The following PCDHGA7 variants were observed in gnomAD, a reference collection of about 807,000 sequenced individuals.
PCDHGA7 encodes protocadherin gamma subfamily A, 7, also known as protocadherin gamma-A7.
Under a neutral mutation model 58.3 loss-of-function variants are expected in PCDHGA7, and 44 were observed. That is an observed-to-expected ratio of 0.75 (90% CI 0.59 to 0.97). The LOEUF (loss-of-function observed/expected upper bound fraction) is 0.97. Among genes scored for constraint, PCDHGA7 ranks in the 50% least tolerant of loss-of-function variants. The pLI is 0.00. For missense variants in PCDHGA7, 1,266 were observed against 1,188.7 expected (o/e 1.06, Z -0.96); for synonymous variants, 516 against 504.2 (o/e 1.02, Z -0.31).
chr5:141,491,747 G>C lies in PCDHGA7; in HGVS notation c.2425-3060G>C. 6.3e-7 allele frequency: 1 copy of C among 1,591,872 alleles called. No homozygotes were observed. The highest frequency in any genetic ancestry group is 8.5e-7 in the Non-Finnish European group (1 of 1,170,328). ...CGGGCGACCCCTGGGGGCGGCACTG[G>C]AGAAGCCGCCCGTCCTCATAAGGGA... On this transcript the variant is annotated intron_variant, in intron 1 of 3. Transcript: ENST00000518325. This position sits in a 1 kb window ranked among gnomAD's most constrained non-coding sequence, Gnocchi z 6.9.
At chr5:141,446,767 G>A (rs891355909) in intron 1 of PCDHGA7, among the ~76,000 whole-genome samples, 12 of 152,118 alleles carry the variant, frequency 7.9e-5, no homozygotes, top group Non-Finnish European at 1.2e-4. Flanking sequence ...GCGCCCAGCC[G>A]GTTACCATTC....
chr5:141,421,751 C>T (rs751678934), intron 1 of PCDHGA7: 1 of 1,613,932 alleles, frequency 6.2e-7, no homozygotes, highest in South Asian at 1.1e-5. Context: ...CAGCTCAGCC[C>T]TAATAATTAC....
chr5:141,419,737 G>C lies in PCDHGA7; in HGVS notation c.2424+34414G>C, dbSNP rs201663350. The C allele has an allele frequency of 1.9e-6, 3 of 1,613,718 alleles. No homozygotes were observed. In the African/African-American group the frequency reaches 4.0e-5, roughly 22 times the overall value. Reference sequence around the variant, plus strand: ...GCCTGGGGCTGCGAACAGGCGAGGTGCGCATGGTGCGTGCTTTGGGTGACA... The same window carrying C: ...GCCTGGGGCTGCGAACAGGCGAGGTCCGCATGGTGCGTGCTTTGGGTGACA... On this transcript the variant is annotated intron_variant, in intron 1 of 3. Transcript: ENST00000518325.
intron 1 of PCDHGA7, among the ~76,000 whole-genome samples, chr5:141,468,914 G>A (rs563780068): frequency 2.6e-5 from 4 of 151,700 alleles, no homozygotes; most frequent in Admixed American, 2.6e-4. Context: ...CAGACTAGAA[G>A]AGAATAGCAC....
intron 1 of PCDHGA7, among the ~76,000 whole-genome samples, chr5:141,484,084 T>A (rs1030166144): frequency 3.3e-5 from 5 of 152,174 alleles, no homozygotes; most frequent in African/African-American, 4.8e-5. Flanking sequence ...TCTTTTGAAA[T>A]GGTCTTCGTT....
chr5:141,392,746 G>A (rs970809453), intron 1 of PCDHGA7: 4 of 1,443,856 alleles, frequency 2.8e-6, no homozygotes, highest in Non-Finnish European at 3.6e-6. Flanking sequence ...CATAGCTGCG[G>A]CAAGAAACTA....
At chr5:141,403,590 C>A (rs770895828) in intron 1 of PCDHGA7, 7 of 1,613,866 alleles carry the variant, frequency 4.3e-6, no homozygotes, top group Non-Finnish European at 5.1e-6. Context: ...CTGGTCCTCA[C>A]GGCCTCGGAT....
At chr5:141,405,498 C>T in intron 1 of PCDHGA7, 2 of 784,948 alleles carry the variant, frequency 2.5e-6, no homozygotes, top group Admixed American at 2.7e-5. Flanking sequence ...CGGCTCATTG[C>T]AACCTCCGCC....
chr5:141,448,044 C>T (rs2098559539), intron 1 of PCDHGA7, among the ~76,000 whole-genome samples: 1 of 151,942 alleles, frequency 6.6e-6, no homozygotes, highest in African/African-American at 2.4e-5. Context: ...CAAGATCATG[C>T]CATTGCTCTC....
chr5:141,487,803 A>G lies in PCDHGA7; in HGVS notation c.2425-7004A>G. On this transcript the variant is annotated intron_variant, in intron 1 of 3. Transcript: ENST00000518325. The surrounding 1 kb of genome is among the most constrained non-coding windows in gnomAD (Gnocchi z 5.0). ...TTCGTGAATTAACCAGAGTTGTCAC[A>G]GTTTAGCATTGGGGGCGGGTCATGC... 2.0e-6 allele frequency: 3 copies of G among 1,466,166 alleles called. No individual in the cohort carries two copies. The highest frequency in any genetic ancestry group is 2.8e-6 in the Non-Finnish European group (3 of 1,084,448). The allele number at this position is 1,466,166 out of a possible 1,614,324, so 90.8% of individuals were successfully genotyped here. A position where few individuals can be genotyped will look rare whatever the true frequency, so the allele number is the denominator to read the frequency against.
chr5:141,458,347 T>A (rs1351687231), intron 1 of PCDHGA7, among the ~76,000 whole-genome samples: 1 of 151,916 alleles, frequency 6.6e-6, no homozygotes, highest in Non-Finnish European at 1.5e-5. Flanking sequence ...AGTGGAGAGT[T>A]TAATAAGCAA....
At chr5:141,473,330 C>T (rs1431360397) in intron 1 of PCDHGA7, among the ~76,000 whole-genome samples, 2 of 152,208 alleles carry the variant, frequency 1.3e-5, no homozygotes, top group East Asian at 3.8e-4. Flanking sequence ...TAAGTGCCTG[C>T]TGTGCTAGAC....
At chr5:141,430,909 G>A (rs1054175762) in intron 1 of PCDHGA7, 2 of 1,607,160 alleles carry the variant, frequency 1.2e-6, no homozygotes, top group Non-Finnish European at 1.7e-6. Context: ...ACATCTCCAG[G>A]GACCTGGGGC....
chr5:141,395,101 C>G, intron 1 of PCDHGA7: 3 of 1,614,164 alleles, frequency 1.9e-6, no homozygotes, highest in East Asian at 2.2e-5. Context: ...ACCGCCGACT[C>G]GCGGAAGAGT....
At chr5:141,471,302 C>T (rs111827070) in intron 1 of PCDHGA7, 9,302 of 152,168 alleles carry the variant, frequency 0.061, 339 homozygotes, top group South Asian at 0.12. Flanking sequence ...CCACCCAACT[C>T]GGCCTCCCAA....
At position 141,511,076 on chromosome 5, in the gene PCDHGA7, A is replaced by G. The variant is rs201009079; in HGVS notation, c.2702A>G (p.Asn901Ser). 19 of 1,614,218 alleles carry G rather than the reference A, an allele frequency of 1.2e-5. No individual in the cohort carries two copies. In the East Asian group the frequency reaches 3.6e-4, roughly 30 times the overall value. ...CAGAATGTCTACATCCCAGGCAGCA[A>G]TGCCACACTGACCAACGCAGCTGGC... ...YRQNVYIPGS[N>S]ATLTNAAGKR... Residue 901 changes from asparagine (N) to serine (S), a missense_variant, in exon 4 of 4, where the codon AAT (asparagine) becomes AGT (serine). Coordinates refer to ENST00000518325, the MANE Select transcript of PCDHGA7 (RefSeq NM_018920.4).
At position 141,431,968 on chromosome 5, in the gene PCDHGA7, T is replaced by A. The variant is rs571981127; in HGVS notation, c.2424+46645T>A. On this transcript the variant is annotated intron_variant, in intron 1 of 3. Coordinates refer to ENST00000518325, the MANE Select transcript of PCDHGA7 (RefSeq NM_018920.4). The surrounding 1 kb of genome is among the most constrained non-coding windows in gnomAD (Gnocchi z 4.8). Reference sequence around the variant, plus strand: ...AAAAATCTTACGGAAATTACTATAGTTTAGTCACAGACATAGTCTTGGATA... The same window carrying A: ...AAAAATCTTACGGAAATTACTATAGATTAGTCACAGACATAGTCTTGGATA... 1.9e-6 allele frequency: 3 copies of A among 1,614,072 alleles called. No individual in the cohort carries two copies. Among genetic ancestry groups the A allele is most frequent in the Non-Finnish European group, 2.5e-6 (3 of 1,180,014 alleles).
intron 1 of PCDHGA7, among the ~76,000 whole-genome samples, chr5:141,438,396 A>T (rs1026490705): frequency 6.6e-6 from 1 of 150,930 alleles, no homozygotes. Context: ...TTCATCATTA[A>T]CTCTCTGAAG....
chr5:141,481,970 A>G (rs2099549884), intron 1 of PCDHGA7, among the ~76,000 whole-genome samples: 1 of 151,510 alleles, frequency 6.6e-6, no homozygotes, highest in Non-Finnish European at 1.5e-5. Flanking sequence ...CTGTAGTCAC[A>G]GCTACTTGGG....
Sources: gnomAD v4.1 joint callset for allele counts (sites outside exome capture counted in the v4.1 genomes callset) on GRCh38, gnomAD v4.1.1 for gene constraint, Gnocchi (gnomAD v3.1) non-coding constraint, MANE v1.5 for transcripts, NCBI Gene and HGNC (gene_info 2026-07-23, HGNC 2026-07-21) for gene names.